STK32B: variants seen among roughly 807,000 people sequenced by gnomAD.
STK32B encodes serine/threonine kinase 32B.
Under a neutral mutation model 52.6 loss-of-function variants are expected in STK32B, and 43 were observed. The observed-to-expected ratio is 0.82, with a 90% CI of 0.64 to 1.05. The LOEUF (loss-of-function observed/expected upper bound fraction) is 1.05, where lower values mean the gene tolerates loss of function less well. Among genes scored for constraint, STK32B ranks in the 50% least tolerant of loss-of-function variants. The pLI is 0.00. For missense variants in STK32B, 621 were observed against 534.6 expected, an observed-to-expected ratio of 1.16 and a Z score of -1.59; for synonymous variants, 238 against 204.3, an observed-to-expected ratio of 1.17 and a Z score of -1.41.
intron 3 of STK32B, among the ~76,000 whole-genome samples, chr4:5,329,399 C>T (rs1038797939): frequency 1.5e-4 from 23 of 152,192 alleles, no homozygotes; most frequent in Non-Finnish European, 2.6e-4. Context: ...TCCAGCCTCC[C>T]GCCATGGGTC....
intron 3 of STK32B, among the ~76,000 whole-genome samples, chr4:5,315,115 C>G (rs1422335868): frequency 6.6e-6 from 1 of 152,086 alleles, no homozygotes; most frequent in African/African-American, 2.4e-5. Flanking sequence ...AGTGAGTTCT[C>G]AAGTCTCAAC....
chr4:5,182,878 C>T (rs1227758256), intron 3 of STK32B, among the ~76,000 whole-genome samples: 2 of 152,148 alleles, frequency 1.3e-5, no homozygotes, highest in East Asian at 3.9e-4. Flanking sequence ...TGTACATCTC[C>T]ATTAGAGCTC....
At chr4:5,118,974 G>A (rs542177801) in intron 1 of STK32B, among the ~76,000 whole-genome samples, 5 of 152,272 alleles carry the variant, frequency 3.3e-5, no homozygotes, top group African/African-American at 1.2e-4. Flanking sequence ...CCCACACCCA[G>A]GAGCCTTTTT....
At chr4:5,078,731 C>T (rs1021370543) in intron 1 of STK32B, among the ~76,000 whole-genome samples, 1 of 152,168 alleles carries the variant, frequency 6.6e-6, no homozygotes, top group African/African-American at 2.4e-5. Flanking sequence ...CAGAGTTTCC[C>T]TGCCTGGCCT....
rs1354328541 is a variant in STK32B at position 5,173,980 on chromosome 4, G to T, written c.260+5530G>T. On this transcript the variant is annotated intron_variant, in intron 3 of 11. Transcript: ENST00000282908. ...CACTAAGGACTTGCTTTATAAATCT[G>T]GGTGCTCCTGTATTGGGTGCATATA... 3.3e-5 allele frequency among the ~76,000 whole-genome samples: 5 copies of T among 152,138 alleles called. No homozygotes were observed. The South Asian group carries it at 8.3e-4, about 25-fold the overall frequency.
intron 1 of STK32B, among the ~76,000 whole-genome samples, chr4:5,094,528 C>T (rs1424098545): frequency 6.6e-6 from 1 of 152,052 alleles, no homozygotes; most frequent in Non-Finnish European, 1.5e-5. Context: ...GTGGTGTGCA[C>T]CTGCAGACCC....
intron 4 of STK32B, among the ~76,000 whole-genome samples, chr4:5,335,600 T>C (rs1732616890): frequency 6.6e-6 from 1 of 152,142 alleles, no homozygotes; most frequent in East Asian, 1.9e-4. Flanking sequence ...TTTCCTGCTT[T>C]CTCTTGTGGG....
chr4:5,275,964 A>G (rs1727794150), intron 3 of STK32B, among the ~76,000 whole-genome samples: 1 of 152,120 alleles, frequency 6.6e-6, no homozygotes, highest in Non-Finnish European at 1.5e-5. Context: ...TTGTCAAAGA[A>G]CAAGATAAGA....
upstream of STK32B, chr4:5,051,315 T>G (rs1276247425): frequency 6.4e-6 from 1 of 155,304 alleles, no homozygotes; most frequent in Non-Finnish European, 1.4e-5. Flanking sequence ...CTGGCCATAG[T>G]GGGTGCTGAC....
chr4:5,092,302 C>CTTT (rs1713123714), intron 1 of STK32B, among the ~76,000 whole-genome samples: 2 of 152,144 alleles, frequency 1.3e-5, no homozygotes, highest in Non-Finnish European at 1.5e-5. Context: ...GAGGCCGAGG[C>CTTT]GGGCAGATCA....
chr4:5,172,639 T>G (rs1719481132), intron 3 of STK32B, among the ~76,000 whole-genome samples: 1 of 131,816 alleles, frequency 7.6e-6, no homozygotes, highest in Admixed American at 9.4e-5. Flanking sequence ...TGAACTAGCC[T>G]TGCATCCCAG....
At chr4:5,497,191 G>C (rs1720344470) in intron 11 of STK32B, among the ~76,000 whole-genome samples, 1 of 152,200 alleles carries the variant, frequency 6.6e-6, no homozygotes, top group South Asian at 2.1e-4. Context: ...CATGTTAGCA[G>C]CTGGAATCCC....
chr4:5,326,244 T>G (rs538152480), intron 3 of STK32B, among the ~76,000 whole-genome samples: 10 of 152,224 alleles, frequency 6.6e-5, no homozygotes, highest in Non-Finnish European at 1.2e-4. Context: ...ATACAAATTG[T>G]GCATCTGTAG....
intron 4 of STK32B, among the ~76,000 whole-genome samples, chr4:5,374,782 G>T (rs1270004048): frequency 6.6e-6 from 1 of 150,668 alleles, no homozygotes; most frequent in African/African-American, 2.5e-5. Flanking sequence ...ACGGGGGCGG[G>T]GGGGGAACAC....
intron 3 of STK32B, among the ~76,000 whole-genome samples, chr4:5,191,879 A>G (rs1721233428): frequency 6.6e-6 from 1 of 152,244 alleles, no homozygotes. Context: ...ATCCATATTA[A>G]CTACTGTGCT....
intron 3 of STK32B, among the ~76,000 whole-genome samples, chr4:5,297,978 C>T (rs1277113728): frequency 6.6e-6 from 1 of 152,114 alleles, no homozygotes; most frequent in African/African-American, 2.4e-5. Context: ...CATGGGCATC[C>T]TTTTTGTTGA....
In STK32B at chr4:5,386,148, A is replaced by G. The variant is rs1039246796; in HGVS notation, c.435-12059A>G. ...TTGGCCCACAGTTCCTGGCCTTTGT[A>G]CTCCCTGGACTCTTCCCAGCCGTCT... On this transcript the variant is annotated intron_variant, in intron 4 of 11. Coordinates refer to ENST00000282908, the MANE Select transcript of STK32B (RefSeq NM_018401.3). This position sits in a 1 kb window ranked among gnomAD's most constrained non-coding sequence, Gnocchi z 4.5. Among the ~76,000 whole-genome samples the G allele has an allele frequency of 2.7e-5, 4 of 149,646 alleles. No homozygotes were observed. The highest frequency in any genetic ancestry group is 4.4e-5 in the Non-Finnish European group (3 of 67,728).
Position 5,182,387 on chromosome 4 carries a change from A to G in STK32B, c.260+13937A>G, listed in dbSNP as rs535023188. Among the ~76,000 whole-genome samples, 11 of 152,276 alleles carry G rather than the reference A, an allele frequency of 7.2e-5. No homozygotes were observed. In the East Asian group the frequency reaches 7.7e-4, roughly 11 times the overall value. ...GCAAATTCTTTCCAGAAGATTTTCA[A>G]TTTACTTTGCCCAGATCCATCAGCA... On this transcript the variant is annotated intron_variant, in intron 3 of 11. Coordinates refer to ENST00000282908, the MANE Select transcript of STK32B (RefSeq NM_018401.3).
At chr4:5,048,444 C>A (rs1053198844), upstream of STK32B, among the ~76,000 whole-genome samples, 5 of 152,108 alleles carry the variant, frequency 3.3e-5, no homozygotes, top group Admixed American at 6.5e-5. Flanking sequence ...TCACAGGTGC[C>A]TGCCACCACG....
Sources: allele counts gnomAD v4.1 joint callset (sites outside exome capture counted in the v4.1 genomes callset), GRCh38; gene constraint gnomAD v4.1.1; non-coding constraint Gnocchi (gnomAD v3.1); transcripts MANE v1.5; gene names NCBI Gene and HGNC (gene_info 2026-07-23, HGNC 2026-07-21).